The following WDR17 variants were observed in gnomAD, a reference collection of about 807,000 sequenced individuals.
WDR17 encodes WD repeat domain 17, also known as WD repeat-containing protein 17.
Under a neutral mutation model 161.7 loss-of-function variants are expected in WDR17, and 143 were observed. That is an observed-to-expected ratio of 0.88 (90% CI 0.77 to 1.02). The LOEUF (loss-of-function observed/expected upper bound fraction) is 1.02. Ranked by LOEUF, WDR17 falls within the 50% of genes least tolerant of loss-of-function variation. WDR17 has a pLI of 0.00. For missense variants in WDR17, 1,469 were observed against 1,520.9 expected (o/e 0.97, Z 0.57); for synonymous variants, 517 against 515.6 (o/e 1.00, Z -0.04).
At chr4:176,157,355 A>G (rs1748316935) in intron 18 of WDR17, among the ~76,000 whole-genome samples, 2 of 152,238 alleles carry the variant, frequency 1.3e-5, no homozygotes, top group East Asian at 1.9e-4. Context: ...AGACACAAGT[A>G]AAAATCAATC....
At chr4:176,096,061 G>A (rs987210316) in intron 1 of WDR17, among the ~76,000 whole-genome samples, 1 of 152,028 alleles carries the variant, frequency 6.6e-6, no homozygotes, top group Non-Finnish European at 1.5e-5. Flanking sequence ...CAGAAATATA[G>A]GATTGGTTTT....
chr4:176,152,582 G>C (rs1374951748), intron 17 of WDR17, among the ~76,000 whole-genome samples: 1 of 128,068 alleles, frequency 7.8e-6, no homozygotes, highest in Non-Finnish European at 1.6e-5. Context: ...CTCCAGCCTG[G>C]GTAACTCCAT....
In WDR17 at chr4:176,148,231, C is replaced by T. The variant is rs1332532663; in HGVS notation, c.1793C>T (p.Pro598Leu). The T allele has an allele frequency of 6.2e-7, 1 of 1,613,952 alleles. No homozygotes were observed. Among genetic ancestry groups the T allele is most frequent in the Non-Finnish European group, 8.5e-7 (1 of 1,179,948 alleles). Residue 598 changes from proline (P) to leucine (L), a missense_variant, in exon 13 of 29, where the codon CCA becomes CTA. Transcript: ENST00000508596. ...GGATTAATGTGGAATACTGAGATTC[C>T]ATATCTGCTCATATCTGGCAGCTGG... ...VRGLMWNTEI[P>L]YLLISGSWDY...
At chr4:176,075,875 T>C (rs1561065667) in intron 1 of WDR17, among the ~76,000 whole-genome samples, 1 of 152,020 alleles carries the variant, frequency 6.6e-6, no homozygotes, top group Non-Finnish European at 1.5e-5. Flanking sequence ...TTCGGGAGGC[T>C]GAGGCAAGAA....
At chr4:176,066,536 G>A (rs543286701) in intron 1 of WDR17, among the ~76,000 whole-genome samples, 2 of 152,222 alleles carry the variant, frequency 1.3e-5, no homozygotes, top group East Asian at 1.9e-4. Context: ...AAAAAAGACG[G>A]TATTGGATAT....
chr4:176,150,154 G>A lies in WDR17; in HGVS notation c.2159G>A (p.Trp720Ter), dbSNP rs764191894. Reference protein sequence around the residue: ...TANSQVKKLRWFSECLSPPGG... With the variant: ...TANSQVKKLR ...AATTCTCAAGTGAAAAAACTAAGAT[G>A]GTTCTCAGAATGTTTATCTGTAAGT... The change falls in exon 15 of 29, where the codon TGG becomes TAG. Residue 720 changes from tryptophan (W) to a stop codon, truncating the protein, a stop_gained. Transcript: ENST00000508596. LOFTEE classifies it high-confidence loss of function. 1.9e-6 allele frequency: 3 copies of A among 1,612,894 alleles called. No individual in the cohort carries two copies. The highest frequency in any genetic ancestry group is 3.3e-5 in the Admixed American group (2 of 59,958).
intron 1 of WDR17, among the ~76,000 whole-genome samples, chr4:176,103,015 G>A (rs927361947): frequency 1.3e-5 from 2 of 152,136 alleles, no homozygotes; most frequent in Non-Finnish European, 2.9e-5. Context: ...CAGACAAAGA[G>A]GCAGGCAGCC....
intron 11 of WDR17, among the ~76,000 whole-genome samples, chr4:176,145,348 G>A (rs556938927): frequency 1.3e-5 from 2 of 152,256 alleles, no homozygotes; most frequent in South Asian, 4.1e-4. Context: ...ACTGAGCAAA[G>A]AACATTAAAA....
At chr4:176,139,133 C>T (rs1744858583) in intron 9 of WDR17, among the ~76,000 whole-genome samples, 2 of 151,706 alleles carry the variant, frequency 1.3e-5, no homozygotes, top group South Asian at 4.1e-4. Flanking sequence ...TACACAGCAA[C>T]CTTAAGCTAC....
chr4:176,087,921 G>A (rs908530456), intron 1 of WDR17, among the ~76,000 whole-genome samples: 3 of 151,772 alleles, frequency 2.0e-5, no homozygotes, highest in African/African-American at 4.8e-5. Context: ...TCGGCTCACT[G>A]CAACCTTTGC....
intron 17 of WDR17, among the ~76,000 whole-genome samples, chr4:176,152,310 A>AAAAAAAAAAAAAAAAAAAAAAC (rs1747286821): frequency 6.7e-6 from 1 of 149,250 alleles, no homozygotes; most frequent in Non-Finnish European, 1.5e-5. Context: ...AAAAAAAAAA[A>AAAAAAAAAAAAAAAAAAAAAAC]AAAAGCCTGA....
rs751788025 is a variant in WDR17, at chr4:176,163,142, T to A, written c.2851-12T>A. 1 of 1,614,054 alleles carries A rather than the reference T, an allele frequency of 6.2e-7. No homozygotes were observed. Among genetic ancestry groups the A allele is most frequent in the Middle Eastern group, 1.6e-4 (1 of 6,062 alleles). On this transcript the variant is annotated splice_polypyrimidine_tract_variant and intron_variant, in intron 21 of 28. Coordinates refer to ENST00000508596, the MANE Select transcript of WDR17 (RefSeq NM_181265.4). ...CTATGCAACTGAAGAAATTATTTTCTTATTGAGCAAGCTTGCTATGGCATA... is the reference window on the plus strand; with the variant it reads ...CTATGCAACTGAAGAAATTATTTTCATATTGAGCAAGCTTGCTATGGCATA...
At position 176,151,922 on chromosome 4, in the gene WDR17, A is replaced by C; in HGVS notation, c.2415A>C (p.Leu805Phe). 6.2e-7 allele frequency: 1 copy of C among 1,613,410 alleles called. No homozygotes were observed. The highest frequency in any genetic ancestry group is 1.1e-5 in the South Asian group (1 of 90,808). Residue 805 changes from leucine (L) to phenylalanine (F), a missense_variant, in exon 17 of 29, where the codon TTA becomes TTC. By Grantham distance (22) the Leu-to-Phe change is conservative (BLOSUM62 0). Transcript: ENST00000508596. ...AAGCTGCTGAAATCCACTTGAGATT[A>C]GGACAAATTCAGAGATACTGTGAAC... ...LKEAAEIHLR[L>F]GQIQRYCELM...
In WDR17 at chr4:176,135,186, A is replaced by G. The variant is rs545840236; in HGVS notation, c.1177A>G (p.Thr393Ala). The change falls in exon 8 of 29, where the codon ACT becomes GCT. Residue 393 changes from threonine (T) to alanine (A), a missense_variant. Coordinates refer to ENST00000508596, the MANE Select transcript of WDR17 (RefSeq NM_181265.4). ...NLLATASFDG[T>A]IKVWDINTLT... ...TTTAGCAACAGCTTCATTTGATGGC[A>G]CTATAAAAGTCTGGGATATAAACAC... 1 of 1,612,442 alleles carries G rather than the reference A, an allele frequency of 6.2e-7. No homozygotes were observed. Among genetic ancestry groups the G allele is most frequent in the South Asian group, 1.1e-5 (1 of 91,010 alleles).
chr4:176,165,182 A>AC lies in WDR17; in HGVS notation c.2990+1892dup, dbSNP rs1554035928. 1.8e-3 allele frequency among the ~76,000 whole-genome samples: 261 copies of AC among 147,500 alleles called. 4 individuals carry two copies. The South Asian group carries it at 0.019, about 11-fold the overall frequency. On this transcript the variant is annotated intron_variant, in intron 22 of 28. Transcript: ENST00000508596. ...TCTCTAAAATACAAAAAAAAAAAAA[A>AC]CCCATTACTAAAAATACAAAAATAA... is the stretch of plus-strand genomic sequence containing the variant.
At chr4:176,127,000 C>T (rs778099934) in intron 5 of WDR17, among the ~76,000 whole-genome samples, 1 of 152,144 alleles carries the variant, frequency 6.6e-6, no homozygotes, top group Non-Finnish European at 1.5e-5. Context: ...AACCTCTTTT[C>T]TTTATAAATT....
intron 1 of WDR17, among the ~76,000 whole-genome samples, chr4:176,089,639 C>T (rs893430405): frequency 6.6e-6 from 1 of 151,906 alleles, no homozygotes; most frequent in South Asian, 2.1e-4. Flanking sequence ...CTGAGTGTTG[C>T]ATGTATGAGT....
At chr4:176,103,344 T>C (rs1738125833) in intron 1 of WDR17, among the ~76,000 whole-genome samples, 2 of 151,930 alleles carry the variant, frequency 1.3e-5, no homozygotes, top group South Asian at 4.1e-4. Context: ...AACTCTGATT[T>C]CCAGAGTTAC....
rs368173331 is a variant in WDR17, at chr4:176,160,893, C to T, written c.2659-18C>T. 9 of 1,567,984 alleles carry T rather than the reference C, an allele frequency of 5.7e-6. No individual in the cohort carries two copies. The highest frequency in any genetic ancestry group is 1.9e-5 in the Admixed American group (1 of 53,778). ...AACAATTAGCTAAAGAATAATTCAACATTTAATTAAATTCTAGGCTGCTTG... is the reference window on the plus strand; with the variant it reads ...AACAATTAGCTAAAGAATAATTCAATATTTAATTAAATTCTAGGCTGCTTG... On this transcript the variant is annotated intron_variant, in intron 19 of 28. Coordinates refer to ENST00000508596, the MANE Select transcript of WDR17 (RefSeq NM_181265.4).
Sources: gnomAD v4.1 joint callset for allele counts (sites outside exome capture counted in the v4.1 genomes callset) on GRCh38, gnomAD v4.1.1 for gene constraint, MANE v1.5 for transcripts, NCBI Gene and HGNC (gene_info 2026-07-23, HGNC 2026-07-21) for gene names.